The following USP13 variants were observed in gnomAD, a reference collection of about 807,000 sequenced individuals.
The protein encoded by USP13 is ubiquitin carboxyl-terminal hydrolase 13.
A neutral mutation model predicts 107.8 loss-of-function variants in USP13; 68 were observed. That is an observed-to-expected ratio of 0.63 (90% CI 0.52 to 0.77). USP13 has a LOEUF of 0.77. Among genes scored for constraint, USP13 ranks in the 30% least tolerant of loss-of-function variants. The pLI is 0.00. For missense variants in USP13, 945 were observed against 1,093.3 expected (o/e 0.86, Z 1.91); for synonymous variants, 377 against 389.5 (o/e 0.97, Z 0.38).
intron 20 of USP13, among the ~76,000 whole-genome samples, chr3:179,783,497 A>C (rs929183191): frequency 3.0e-4 from 45 of 152,358 alleles, no homozygotes; most frequent in African/African-American, 1.0e-3. Flanking sequence ...TAATAGTTCT[A>C]TAATAGTTCA....
At chr3:179,684,259 G>A (rs1412674500) in intron 2 of USP13, among the ~76,000 whole-genome samples, 2 of 122,088 alleles carry the variant, frequency 1.6e-5, no homozygotes, top group South Asian at 2.8e-4. Flanking sequence ...ACGCCTGGCA[G>A]TATCACCCTT....
intron 19 of USP13, among the ~76,000 whole-genome samples, chr3:179,776,721 C>A (rs1026069734): frequency 6.6e-6 from 1 of 152,018 alleles, no homozygotes; most frequent in African/African-American, 2.4e-5. Context: ...TAACATTTTT[C>A]AAATGTTAGA....
In USP13 at chr3:179,653,314, C is replaced by A; in HGVS notation, c.89C>A (p.Pro30His). ...AAGDIGELLV[P>H]HMPTIRVPRS... Reference sequence around the variant, plus strand: ...GGAGACATCGGCGAGCTGCTAGTGCCCCACATGCCCACGATCCGCGTGCCC... The same window carrying A: ...GGAGACATCGGCGAGCTGCTAGTGCACCACATGCCCACGATCCGCGTGCCC... Residue 30 changes from proline (P) to histidine (H), a missense_variant, in exon 1 of 21, where the codon CCC becomes CAC. Pro to His is a moderately conservative substitution (Grantham distance 77). Transcript: ENST00000263966. This position sits in a 1 kb window ranked among gnomAD's most constrained non-coding sequence, Gnocchi z 4.0. 1 of 1,577,896 alleles carries A rather than the reference C, an allele frequency of 6.3e-7. No individual in the cohort carries two copies. The highest frequency in any genetic ancestry group is 8.6e-7 in the Non-Finnish European group (1 of 1,162,384).
intron 13 of USP13, 32 bp from the exon 14 acceptor site, chr3:179,752,253 G>T: frequency 6.3e-7 from 1 of 1,587,824 alleles, no homozygotes; most frequent in Non-Finnish European, 8.6e-7. Context: ...TTATTGCCTT[G>T]TTTCATTGAT....
chr3:179,664,044 TAAAAG>T (rs979464253), intron 1 of USP13, among the ~76,000 whole-genome samples: 10 of 152,106 alleles, frequency 6.6e-5, no homozygotes, highest in Admixed American at 2.0e-4. Flanking sequence ...CTTGGAGAAT[TAAAAG>T]GAAAAGAGTA....
At chr3:179,773,959 T>G (rs925218289) in intron 19 of USP13, among the ~76,000 whole-genome samples, 1 of 152,174 alleles carries the variant, frequency 6.6e-6, no homozygotes, top group Admixed American at 6.5e-5. Context: ...AGTAGTTTTA[T>G]AGTCATTGCT....
At chr3:179,760,988 A>G (rs1714989576) in intron 16 of USP13, 124 bp from the exon 17 acceptor site, 2 of 1,222,180 alleles carry the variant, frequency 1.6e-6, no homozygotes, top group African/African-American at 1.5e-5. Flanking sequence ...AAGTAAAACC[A>G]TTATCTACAC....
rs376502830 is a variant in USP13 at position 179,786,622 on chromosome 3, C to T, written c.*2481C>T. 2 of 154,216 alleles carry T rather than the reference C, an allele frequency of 1.3e-5. No individual in the cohort carries two copies. The highest frequency in any genetic ancestry group is 4.8e-5 in the African/African-American group (2 of 41,612). The allele number at this position is 154,216 out of a possible 1,614,324, so 9.6% of individuals were successfully genotyped here. ...AAAAACTGGAGTAAATAATGGGTTT[C>T]TTACTTGCTTAAAAGCATATTTATA... On this transcript the variant is annotated 3_prime_UTR_variant, in exon 21 of 21. Coordinates refer to ENST00000263966, the MANE Select transcript of USP13 (RefSeq NM_003940.3).
At chr3:179,723,867 T>C (rs1270637234) in intron 8 of USP13, among the ~76,000 whole-genome samples, 1 of 152,062 alleles carries the variant, frequency 6.6e-6, no homozygotes, top group Non-Finnish European at 1.5e-5. Context: ...AAAAAGTGAC[T>C]CAGGGCCTGG....
At chr3:179,761,930 A>C (rs1471461761) in intron 17 of USP13, among the ~76,000 whole-genome samples, 3 of 152,190 alleles carry the variant, frequency 2.0e-5, no homozygotes. Context: ...TCTTTTATCT[A>C]CTTTATTAAG....
intron 14 of USP13, 78 bp from the exon 15 acceptor site, chr3:179,754,654 C>T: frequency 6.6e-7 from 1 of 1,517,374 alleles, no homozygotes; most frequent in Non-Finnish European, 8.9e-7. Flanking sequence ...TAGACACATG[C>T]ATGTAGAGTT....
At chr3:179,777,521 C>T (rs537580349) in intron 19 of USP13, among the ~76,000 whole-genome samples, 2 of 148,096 alleles carry the variant, frequency 1.4e-5, no homozygotes, top group East Asian at 4.0e-4. Flanking sequence ...GGTGCGATCT[C>T]GGCTCACTGC....
rs1714526757 is a variant in USP13, at chr3:179,749,636, A to G, written c.1710-2649A>G. On this transcript the variant is annotated intron_variant, in intron 13 of 20. Coordinates refer to ENST00000263966, the MANE Select transcript of USP13 (RefSeq NM_003940.3). ...CCCTATAGAGATTACAAAGATGAAT[A>G]AAGAATGTTTTACCCAATAGGGCAA... Among the ~76,000 whole-genome samples the G allele has an allele frequency of 2.0e-5, 3 of 152,276 alleles. No homozygotes were observed. In the South Asian group the frequency reaches 6.2e-4, roughly 32 times the overall value.
chr3:179,660,610 T>G (rs187611972), intron 1 of USP13, among the ~76,000 whole-genome samples: 156 of 152,382 alleles, frequency 1.0e-3, no homozygotes, highest in Admixed American at 2.2e-3. Flanking sequence ...AAGTATTTGT[T>G]TGAGTCCCTG....
intron 3 of USP13, among the ~76,000 whole-genome samples, chr3:179,698,380 C>G (rs1045425891): frequency 6.6e-6 from 1 of 152,062 alleles, no homozygotes; most frequent in Non-Finnish European, 1.5e-5. Flanking sequence ...AAAACTTTAT[C>G]TTGTTTAATC....
At chr3:179,722,228 A>G (rs916683755) in intron 8 of USP13, among the ~76,000 whole-genome samples, 23 of 152,122 alleles carry the variant, frequency 1.5e-4, no homozygotes, top group African/African-American at 5.6e-4. Context: ...ATGCGCTAGG[A>G]GAGATCCGGT....
chr3:179,656,765 C>T (rs1720274673), intron 1 of USP13, among the ~76,000 whole-genome samples: 1 of 152,164 alleles, frequency 6.6e-6, no homozygotes, highest in South Asian at 2.1e-4. Flanking sequence ...CTGTCTAACC[C>T]CCAGTGACAT....
At position 179,787,196 on chromosome 3, in the gene USP13, G is replaced by A. The variant is rs867498677; in HGVS notation, c.*3055G>A. 6.6e-6 allele frequency: 1 copy of A among 152,292 alleles called. No individual in the cohort carries two copies. Among genetic ancestry groups the A allele is most frequent in the Non-Finnish European group, 1.5e-5 (1 of 68,036 alleles). The allele number at this position is 152,292 out of a possible 1,614,324, so 9.4% of individuals were successfully genotyped here. A position where few individuals can be genotyped will look rare whatever the true frequency, so the allele number is the denominator to read the frequency against. ...TACTTTGGGCTATAGGAAGTCCAGC[G>A]GGGATAGCTCGAGCCTCTTGCTCCC... is the stretch of plus-strand genomic sequence containing the variant. On this transcript the variant is annotated 3_prime_UTR_variant, in exon 21 of 21. Coordinates refer to ENST00000263966, the MANE Select transcript of USP13 (RefSeq NM_003940.3).
At chr3:179,719,636 T>A (rs1713236012) in intron 6 of USP13, among the ~76,000 whole-genome samples, 1 of 152,192 alleles carries the variant, frequency 6.6e-6, no homozygotes, top group Non-Finnish European at 1.5e-5. Flanking sequence ...AAATCAAGTG[T>A]TAGGCATTTA....
Sources: allele counts gnomAD v4.1 joint callset (sites outside exome capture counted in the v4.1 genomes callset), GRCh38; gene constraint gnomAD v4.1.1; non-coding constraint Gnocchi (gnomAD v3.1); transcripts MANE v1.5; gene names NCBI Gene and HGNC (gene_info 2026-07-23, HGNC 2026-07-21).